The following FGF9 variants were observed in gnomAD, a reference collection of about 807,000 sequenced individuals.
FGF9 encodes fibroblast growth factor 9, also known as fibroblast growth factor 9 (glia-activating factor).
FGF9 carries 3 observed loss-of-function variants against 19.9 expected under a neutral mutation model. The ratio of observed to expected loss-of-function variants is 0.15; its 90% CI spans 0.07 to 0.39. The LOEUF is 0.39. Ranked by LOEUF, FGF9 falls within the 10% of genes least tolerant of loss-of-function variation. FGF9 has a pLI of 1.00. For synonymous variants in FGF9, 107 were observed against 106.9 expected (o/e 1.00, Z -0.01); for missense variants, 175 against 256.8 (o/e 0.68, Z 2.18).
In FGF9 at chr13:21,699,493, T is replaced by C. The variant is rs554800454; in HGVS notation, c.382-1697T>C. Among the ~76,000 whole-genome samples the C allele has an allele frequency of 3.3e-5, 5 of 152,226 alleles. No homozygotes were observed. In the East Asian group the frequency reaches 9.7e-4, roughly 29 times the overall value. The stretch of plus-strand genomic sequence containing the variant: ...GCCGGCCCTCATGACCTCTTGAGTG[T>C]GGTTTAAGCCTTTGGATTAGGGAGG... On this transcript the variant is annotated intron_variant, in intron 2 of 2. Transcript: ENST00000382353.
At chr13:21,696,177 T>G (rs1872406592) in intron 2 of FGF9, among the ~76,000 whole-genome samples, 1 of 152,214 alleles carries the variant, frequency 6.6e-6, no homozygotes, top group East Asian at 1.9e-4. Flanking sequence ...TCCTAAGCAT[T>G]CCCTGGGCTG....
intron 2 of FGF9, among the ~76,000 whole-genome samples, chr13:21,700,558 G>T (rs1355150905): frequency 1.3e-5 from 2 of 152,154 alleles, no homozygotes; most frequent in Admixed American, 6.5e-5. Flanking sequence ...TGCTAAAAAG[G>T]GCAGAACATA....
At position 21,701,709 on chromosome 13, in the gene FGF9, A is replaced by T. The variant is rs9796160; in HGVS notation, c.*274A>T. 2 of 356,730 alleles carry T rather than the reference A, an allele frequency of 5.6e-6. No individual in the cohort carries two copies. Among genetic ancestry groups the T allele is most frequent in the Non-Finnish European group, 1.1e-5 (2 of 185,306 alleles). 22.1% of individuals were successfully genotyped at this position (356,730 alleles called of 1,614,324 possible). A position where few individuals can be genotyped will look rare whatever the true frequency, so the allele number is the denominator to read the frequency against. ...GAGACTGAGCGCTAGGAGTGTGTGT[A>T]TGTGTGTGTGTGTGTGTGTGTGTGT... On this transcript the variant is annotated 3_prime_UTR_variant, in exon 3 of 3. Transcript: ENST00000382353.
chr13:21,671,842 C>T lies in FGF9; in HGVS notation c.-71C>T, dbSNP rs1871774998. 2 of 1,579,328 alleles carry T rather than the reference C, an allele frequency of 1.3e-6. No homozygotes were observed. The highest frequency in any genetic ancestry group is 1.7e-6 in the Non-Finnish European group (2 of 1,148,760). On this transcript the variant is annotated 5_prime_UTR_variant, in exon 1 of 3. Coordinates refer to ENST00000382353, the MANE Select transcript of FGF9 (RefSeq NM_002010.3). ...AGTAAGGGAGGGGAGTTGGATATACCTCGCCTAATATCTCCTGGGTTGACA... is the reference window on the plus strand; with the variant it reads ...AGTAAGGGAGGGGAGTTGGATATACTTCGCCTAATATCTCCTGGGTTGACA...
chr13:21,682,118 C>T (rs531901920), intron 2 of FGF9, among the ~76,000 whole-genome samples: 17 of 151,782 alleles, frequency 1.1e-4, no homozygotes, highest in African/African-American at 4.1e-4. Context: ...AGAAGATCCT[C>T]CTGCCTCAGC....
intron 2 of FGF9, among the ~76,000 whole-genome samples, chr13:21,693,357 T>C (rs1160722444): frequency 6.6e-6 from 1 of 152,010 alleles, no homozygotes; most frequent in Non-Finnish European, 1.5e-5. Context: ...TGCTTAGGAC[T>C]TCTCTGTGGG....
Position 21,672,565 on chromosome 13 carries a change from T to C in FGF9, c.277+376T>C, listed in dbSNP as rs1005635817. ...TAATCATTAACTACTAAGAACTTAATGCAGTTTCTTGAAGGCAGTGGGTAT... is the reference window on the plus strand; with the variant it reads ...TAATCATTAACTACTAAGAACTTAACGCAGTTTCTTGAAGGCAGTGGGTAT... On this transcript the variant is annotated intron_variant, in intron 1 of 2. Transcript: ENST00000382353. This position sits in a 1 kb window ranked among gnomAD's most constrained non-coding sequence, Gnocchi z 4.2. Among the ~76,000 whole-genome samples the C allele has an allele frequency of 6.6e-6, 1 of 152,246 alleles. No individual in the cohort carries two copies. The highest frequency in any genetic ancestry group is 2.4e-5 in the African/African-American group (1 of 41,470).
chr13:21,703,038 G>A lies in FGF9; in HGVS notation c.*1603G>A, dbSNP rs1872584209. On this transcript the variant is annotated 3_prime_UTR_variant, in exon 3 of 3. Coordinates refer to ENST00000382353, the MANE Select transcript of FGF9 (RefSeq NM_002010.3). ...AATTTTGGAACTTGCCCTTGGGCAA[G>A]CGAGACTATTTCTTACTATATACTA... 6.6e-6 allele frequency: 1 copy of A among 152,200 alleles called. No homozygotes were observed. Among genetic ancestry groups the A allele is most frequent in the African/African-American group, 2.4e-5 (1 of 41,454 alleles). 9.4% of individuals were successfully genotyped at this position (152,200 alleles called of 1,614,324 possible).
chr13:21,680,147 G>T (rs1483376249), intron 1 of FGF9, among the ~76,000 whole-genome samples: 1 of 152,112 alleles, frequency 6.6e-6, no homozygotes, highest in Non-Finnish European at 1.5e-5. Flanking sequence ...TAAGATCATT[G>T]TGTCGATTTG....
intron 1 of FGF9, among the ~76,000 whole-genome samples, chr13:21,678,916 G>C (rs1487884439): frequency 6.6e-6 from 1 of 152,156 alleles, no homozygotes; most frequent in Non-Finnish European, 1.5e-5. Flanking sequence ...TTACTAAGAA[G>C]ATATTCACAT....
At chr13:21,690,749 G>A (rs1205952363) in intron 2 of FGF9, among the ~76,000 whole-genome samples, 1 of 152,210 alleles carries the variant, frequency 6.6e-6, no homozygotes, top group African/African-American at 2.4e-5. Flanking sequence ...TGCTGTTCTT[G>A]TCTCAGCTCT....
intron 2 of FGF9, among the ~76,000 whole-genome samples, chr13:21,695,523 C>T (rs772812920): frequency 3.3e-5 from 5 of 152,146 alleles, no homozygotes; most frequent in East Asian, 3.9e-4. Flanking sequence ...CCTCTTGCCT[C>T]GTCTGTCTGT....
chr13:21,671,993 G>T lies in FGF9; in HGVS notation c.81G>T (p.Val27=). The T allele has an allele frequency of 6.2e-7, 1 of 1,614,200 alleles. No individual in the cohort carries two copies. Among genetic ancestry groups the T allele is most frequent in the Non-Finnish European group, 8.5e-7 (1 of 1,180,038 alleles). Residue 27 remains valine (V), a synonymous_variant, in exon 1 of 3, where the codon GTG becomes GTT. Coordinates refer to ENST00000382353, the MANE Select transcript of FGF9 (RefSeq NM_002010.3). ...VPFGNVPVLP[V]DSPVLLSDHL... is the part of the protein sequence containing the mutation. ...TTGGGAATGTGCCCGTGTTGCCGGT[G>T]GACAGCCCGGTTTTGTTAAGTGACC...
In FGF9 at chr13:21,676,350, A is replaced by AT. The variant is rs144280925; in HGVS notation, c.277+4168dup. Among the ~76,000 whole-genome samples the AT allele has an allele frequency of 2.3e-3, 357 of 152,222 alleles. 4 individuals carry two copies. The highest frequency in any genetic ancestry group is 8.3e-3 in the African/African-American group (346 of 41,534). On this transcript the variant is annotated intron_variant, in intron 1 of 2. Transcript: ENST00000382353. ...TAGAGGGGAGAAATATGATAGTATG[A>AT]TTTTTTTAAACAGGTGTTTAAAACT...
At position 21,671,583 on chromosome 13, in the gene FGF9, A is replaced by C. The variant is rs1376921888; in HGVS notation, c.-330A>C. The C allele has an allele frequency of 2.0e-6, 1 of 495,390 alleles. No homozygotes were observed. The highest frequency in any genetic ancestry group is 3.5e-6 in the Non-Finnish European group (1 of 282,786). The allele number at this position is 495,390 out of a possible 1,614,324, so 30.7% of individuals were successfully genotyped here. A position where few individuals can be genotyped will look rare whatever the true frequency, so the allele number is the denominator to read the frequency against. On this transcript the variant is annotated 5_prime_UTR_variant, in exon 1 of 3. Transcript: ENST00000382353. Reference sequence around the variant, plus strand: ...GAGAAACTACGGATTTTTTTTCCTTATTACGGTCGGATGGGATGAAGACCT... The same window carrying C: ...GAGAAACTACGGATTTTTTTTCCTTCTTACGGTCGGATGGGATGAAGACCT...
intron 2 of FGF9, among the ~76,000 whole-genome samples, chr13:21,697,880 C>T (rs866295273): frequency 6.6e-6 from 1 of 150,948 alleles, no homozygotes; most frequent in Non-Finnish European, 1.5e-5. Flanking sequence ...GGTCTTGGCT[C>T]ACTGCAAGCT....
In FGF9 at chr13:21,684,387, C is replaced by T. The variant is rs548933012; in HGVS notation, c.381+3242C>T. Among the ~76,000 whole-genome samples the T allele has an allele frequency of 8.8e-4, 133 of 151,936 alleles. 1 individual carries two copies. Among genetic ancestry groups the T allele is most frequent in the African/African-American group, 2.8e-3 (117 of 41,426 alleles). On this transcript the variant is annotated intron_variant, in intron 2 of 2. Transcript: ENST00000382353. Reference sequence around the variant, plus strand: ...ATGGCTCTTGTACATAGTAGGTGCTCGATGAACGCTCATTGGGTTGAACTG... The same window carrying T: ...ATGGCTCTTGTACATAGTAGGTGCTTGATGAACGCTCATTGGGTTGAACTG...
rs1233388487 is a variant in FGF9 at position 21,703,564 on chromosome 13, CTTAT to C, written c.*2135_*2138del. On this transcript the variant is annotated 3_prime_UTR_variant, in exon 3 of 3. Coordinates refer to ENST00000382353, the MANE Select transcript of FGF9 (RefSeq NM_002010.3). ...GCATTTAATTCCAAAAAGTAGTATT[CTTAT>C]TTATTATTTAACCCTTTGCTGCTGC... 1 of 152,170 alleles carries C rather than the reference CTTAT, an allele frequency of 6.6e-6. No individual in the cohort carries two copies. Among genetic ancestry groups the C allele is most frequent in the Non-Finnish European group, 1.5e-5 (1 of 68,008 alleles). 9.4% of individuals were successfully genotyped at this position (152,170 alleles called of 1,614,324 possible).
At chr13:21,683,445 G>A (rs1479134674) in intron 2 of FGF9, among the ~76,000 whole-genome samples, 3 of 152,208 alleles carry the variant, frequency 2.0e-5, no homozygotes, top group African/African-American at 7.2e-5. Flanking sequence ...CCTTTTCTGG[G>A]AAGCCCAGCT....
Sources: allele counts gnomAD v4.1 joint callset (sites outside exome capture counted in the v4.1 genomes callset), GRCh38; gene constraint gnomAD v4.1.1; non-coding constraint Gnocchi (gnomAD v3.1); transcripts MANE v1.5; gene names NCBI Gene and HGNC (gene_info 2026-07-23, HGNC 2026-07-21).